MED17: variants seen among roughly 807,000 people sequenced by gnomAD.
MED17 encodes mediator complex subunit 17.
In MED17, 49 loss-of-function variants were observed where a neutral mutation model predicts 80.8. The ratio of observed to expected loss-of-function variants is 0.61; its 90% CI spans 0.48 to 0.77. The LOEUF (loss-of-function observed/expected upper bound fraction) is 0.77, where lower values mean the gene tolerates loss of function less well. Among genes scored for constraint, MED17 ranks in the 30% least tolerant of loss-of-function variants. MED17 has a pLI of 0.00. For synonymous variants in MED17, 281 were observed against 280.4 expected (o/e 1.00, Z -0.02); for missense variants, 718 against 787.0 (o/e 0.91, Z 1.05).
chr11:93,795,172 G>A, intron 6 of MED17, 112 bp downstream of exon 6: 1 of 1,186,312 alleles, frequency 8.4e-7, no homozygotes, highest in South Asian at 1.2e-5. Context: ...CAAAGAAATA[G>A]TGTGCTATCC....
At chr11:93,788,937 GAA>G (rs1340060372) in intron 2 of MED17, 2 of 152,060 alleles carry the variant, frequency 1.3e-5, no homozygotes, top group Non-Finnish European at 2.9e-5. Context: ...GGATGGATTA[GAA>G]AAGTTAGGCG....
intron 6 of MED17, chr11:93,795,949 GTT>G (rs879690032): frequency 2.9e-4 from 45 of 152,658 alleles, no homozygotes; most frequent in Admixed American, 7.7e-4. Flanking sequence ...TTCATGAATA[GTT>G]TTTTTTTTTT....
rs1015947481 is a variant in MED17 at position 93,784,371 on chromosome 11, G to C, written c.-143G>C. The C allele has an allele frequency of 9.4e-7, 1 of 1,060,252 alleles. No homozygotes were observed. The highest frequency in any genetic ancestry group is 2.9e-5 in the Admixed American group (1 of 34,236). The allele number at this position is 1,060,252 out of a possible 1,614,324, so 65.7% of individuals were successfully genotyped here. On this transcript the variant is annotated 5_prime_UTR_variant, in exon 1 of 12. Transcript: ENST00000251871. The stretch of plus-strand genomic sequence containing the variant: ...CAGCTCCTTTGTTTCCAGTCTGAGC[G>C]TTGCGTTCGGTTTCCCGAGGGTCTT...
chr11:93,794,690 G>T (rs1943882163), intron 5 of MED17: 2 of 585,720 alleles, frequency 3.4e-6, no homozygotes, highest in African/African-American at 1.9e-5. Flanking sequence ...GAAAGATTGG[G>T]GTGGTGGGGA....
chr11:93,794,155 T>C, intron 5 of MED17, 120 bp downstream of exon 5: 1 of 795,630 alleles, frequency 1.3e-6, no homozygotes, highest in Non-Finnish European at 2.1e-6. Context: ...ATTCAAAATA[T>C]ACTTCTAAAA....
chr11:93,798,418 G>C (rs1042096951), intron 8 of MED17, among the ~76,000 whole-genome samples: 1 of 152,150 alleles, frequency 6.6e-6, no homozygotes, highest in African/African-American at 2.4e-5. Context: ...TGCCTTGGTA[G>C]TACTCCAGAA....
chr11:93,787,903 T>G (rs1943786451), intron 1 of MED17, 98 bp from the exon 2 acceptor site: 1 of 1,004,302 alleles, frequency 1.0e-6, no homozygotes. Context: ...TTTAATTAAT[T>G]ATTTCTCCTT....
chr11:93,785,850 A>G (rs1943763934), intron 1 of MED17, among the ~76,000 whole-genome samples: 1 of 152,142 alleles, frequency 6.6e-6, no homozygotes, highest in Non-Finnish European at 1.5e-5. Flanking sequence ...TACAAATTAA[A>G]AAAATTAGCT....
chr11:93,787,670 T>A (rs554408057), intron 1 of MED17, among the ~76,000 whole-genome samples: 32 of 152,308 alleles, frequency 2.1e-4, no homozygotes, highest in Admixed American at 4.6e-4. Flanking sequence ...TTTTGGAAAT[T>A]TTGTACAATT....
chr11:93,801,763 T>TGA lies in MED17; in HGVS notation c.1329-72_1329-71insGA, dbSNP rs530877628. The TGA allele has an allele frequency of 0.86, 1,240,547 of 1,444,966 alleles. 539,426 individuals carry two copies. The highest frequency in any genetic ancestry group is 0.89 in the Admixed American group (48,929 of 54,754). The allele number at this position is 1,444,966 out of a possible 1,614,324, so 89.5% of individuals were successfully genotyped here. ...GTTAGTTTTAAAATTTTCATAAAAT[T>TGA]TTCGAATCATTTATATTCCTATCAT... On this transcript the variant is annotated intron_variant, in intron 8 of 11. Coordinates refer to ENST00000251871, the MANE Select transcript of MED17 (RefSeq NM_004268.5).
At chr11:93,798,555 G>A (rs1341137967) in intron 8 of MED17, among the ~76,000 whole-genome samples, 1 of 152,084 alleles carries the variant, frequency 6.6e-6, no homozygotes, top group African/African-American at 2.4e-5. Context: ...AGGTCCTTCA[G>A]CTTTTAGTAA....
chr11:93,796,287 G>A (rs1358480519), intron 6 of MED17, 123 bp from the exon 7 acceptor site: 1 of 977,898 alleles, frequency 1.0e-6, no homozygotes, highest in Non-Finnish European at 1.6e-6. Context: ...TAATCATGAG[G>A]TCTGATCTTC....
chr11:93,793,149 G>A (rs1316439627), intron 3 of MED17: 5 of 31,260 alleles, frequency 1.6e-4, no homozygotes, highest in African/African-American at 3.6e-4. Context: ...ACAGAGTTTC[G>A]CTCTTGTTGC....
intron 8 of MED17, among the ~76,000 whole-genome samples, chr11:93,798,941 T>A (rs528836386): frequency 6.6e-6 from 1 of 152,318 alleles, no homozygotes; most frequent in African/African-American, 2.4e-5. Context: ...AACAGCTATT[T>A]TTATAACCAT....
chr11:93,795,127 G>T, intron 6 of MED17, 67 bp downstream of exon 6: 1 of 1,543,896 alleles, frequency 6.5e-7, no homozygotes, highest in South Asian at 1.1e-5. Context: ...GACAGAGAAG[G>T]TAGCTCTTAG....
chr11:93,795,947 T>C (rs975618860), intron 6 of MED17: 1 of 173,226 alleles, frequency 5.8e-6, no homozygotes, highest in Non-Finnish European at 1.2e-5. Flanking sequence ...TATTCATGAA[T>C]AGTTTTTTTT....
At position 93,813,210 on chromosome 11, in the gene MED17, G is replaced by C. The variant is rs1299263608; in HGVS notation, c.*1146G>C. 2.0e-5 allele frequency: 3 copies of C among 152,180 alleles called. No homozygotes were observed. Among genetic ancestry groups the C allele is most frequent in the East Asian group, 1.9e-4 (1 of 5,196 alleles). The allele number at this position is 152,180 out of a possible 1,614,324, so 9.4% of individuals were successfully genotyped here. On this transcript the variant is annotated 3_prime_UTR_variant, in exon 12 of 12. Coordinates refer to ENST00000251871, the MANE Select transcript of MED17 (RefSeq NM_004268.5). ...TAGGCAAGCTCTCCTTATAAGTAAGGCTTTCAATTTTTAAAACAGACATCC... is the reference window on the plus strand; with the variant it reads ...TAGGCAAGCTCTCCTTATAAGTAAGCCTTTCAATTTTTAAAACAGACATCC...
At chr11:93,784,867 T>G in intron 1 of MED17, 104 bp downstream of exon 1, 1 of 1,450,650 alleles carries the variant, frequency 6.9e-7, no homozygotes, top group South Asian at 1.3e-5. Context: ...TGCGAGAACT[T>G]TTGAGTGTCC....
At chr11:93,792,654 G>A (rs930683182) in intron 3 of MED17, among the ~76,000 whole-genome samples, 1 of 152,064 alleles carries the variant, frequency 6.6e-6, no homozygotes, top group Admixed American at 6.6e-5. Context: ...TAAAATCTAG[G>A]AACTGGGCTG....
Sources: gnomAD v4.1 joint callset for allele counts (sites outside exome capture counted in the v4.1 genomes callset) on GRCh38, gnomAD v4.1.1 for gene constraint, MANE v1.5 for transcripts, NCBI Gene and HGNC (gene_info 2026-07-23, HGNC 2026-07-21) for gene names.